The following KCNMA1 variants were observed in gnomAD, a reference collection of about 807,000 sequenced individuals.
The protein encoded by KCNMA1 is Calcium-activated potassium channel subunit alpha-1.
A neutral mutation model predicts 140.0 loss-of-function variants in KCNMA1; 29 were observed. The ratio of observed to expected loss-of-function variants is 0.21; its 90% CI spans 0.15 to 0.28. The LOEUF (loss-of-function observed/expected upper bound fraction) is 0.28, where lower values mean the gene tolerates loss of function less well. Among genes scored for constraint, KCNMA1 ranks in the 10% least tolerant of loss-of-function variants. The probability of loss-of-function intolerance (pLI) is 1.00; values close to 1 mark genes in which losing one functional copy is unlikely to be tolerated. For missense variants in KCNMA1, 880 were observed against 1,602.2 expected, an observed-to-expected ratio of 0.55 and a Z score of 7.70; for synonymous variants, 612 against 611.9, an observed-to-expected ratio of 1.00 and a Z score of 0.00.
intron 16 of KCNMA1, among the ~76,000 whole-genome samples, chr10:77,022,193 GTC>G (rs1173421938): frequency 6.6e-6 from 1 of 151,966 alleles, no homozygotes; most frequent in African/African-American, 2.4e-5. Flanking sequence ...ACTGCCAAAA[GTC>G]TCTCTCTCTG....
intron 5 of KCNMA1, among the ~76,000 whole-genome samples, chr10:77,169,882 A>G (rs1003730220): frequency 6.6e-6 from 1 of 152,124 alleles, no homozygotes; most frequent in South Asian, 2.1e-4. Context: ...ATTTATTTCG[A>G]GTGATATAGT....
chr10:77,544,850 A>G (rs2061036110), intron 1 of KCNMA1, among the ~76,000 whole-genome samples: 1 of 152,226 alleles, frequency 6.6e-6, no homozygotes, highest in Admixed American at 6.5e-5. Flanking sequence ...CCACTTTTCT[A>G]TAACTTCTAA....
At chr10:77,321,071 C>T (rs2082209483) in intron 2 of KCNMA1, among the ~76,000 whole-genome samples, 1 of 152,198 alleles carries the variant, frequency 6.6e-6, no homozygotes, top group Admixed American at 6.5e-5. Context: ...TGTACTCTAG[C>T]AGCTTAATAT....
At chr10:77,040,769 C>G (rs1011378065) in intron 14 of KCNMA1, among the ~76,000 whole-genome samples, 1 of 152,210 alleles carries the variant, frequency 6.6e-6, no homozygotes, top group African/African-American at 2.4e-5. Context: ...TTCTGACCCC[C>G]CAAGGAATAT....
intron 5 of KCNMA1, among the ~76,000 whole-genome samples, chr10:77,127,659 G>GA (rs397804053): frequency 2.0e-5 from 3 of 151,598 alleles, no homozygotes; most frequent in Admixed American, 1.3e-4. Flanking sequence ...GGAGGGGAAA[G>GA]GGAGAGAACG....
intron 17 of KCNMA1, among the ~76,000 whole-genome samples, chr10:77,017,987 G>C (rs1206135929): frequency 1.3e-5 from 2 of 152,166 alleles, no homozygotes; most frequent in African/African-American, 4.8e-5. Context: ...TTGGTAGAAA[G>C]AGAGTGGATT....
intron 11 of KCNMA1, 137 bp downstream of exon 11, chr10:77,086,351 T>C (rs1479130722): frequency 7.0e-6 from 5 of 718,312 alleles, no homozygotes; most frequent in African/African-American, 1.7e-5. Context: ...GTTGCTGGTA[T>C]GTGATTGATC....
chr10:77,455,298 A>T, intron 1 of KCNMA1, among the ~76,000 whole-genome samples: 1 of 152,134 alleles, frequency 6.6e-6, no homozygotes, highest in East Asian at 1.9e-4. Context: ...CTCAGGGTCA[A>T]ATAATTAATG....
chr10:77,047,827 G>T (rs2095160260), intron 14 of KCNMA1, among the ~76,000 whole-genome samples: 2 of 152,062 alleles, frequency 1.3e-5, no homozygotes, highest in Admixed American at 1.3e-4. Context: ...TGGGTAAATT[G>T]AGCAGGAAGT....
chr10:77,468,047 G>A (rs563503722), intron 1 of KCNMA1, among the ~76,000 whole-genome samples: 9 of 151,460 alleles, frequency 5.9e-5, no homozygotes, highest in Admixed American at 5.3e-4. Flanking sequence ...TCACTCTGTC[G>A]CCCAGGCTGG....
chr10:77,603,970 G>C (rs1255731630), intron 1 of KCNMA1, among the ~76,000 whole-genome samples: 1 of 152,216 alleles, frequency 6.6e-6, no homozygotes, highest in Non-Finnish European at 1.5e-5. Context: ...AATGTGAATT[G>C]CTCACAACGG....
At chr10:77,350,441 G>GA (rs2092735476) in intron 2 of KCNMA1, 1 of 152,156 alleles carries the variant, frequency 6.6e-6, no homozygotes, top group African/African-American at 2.4e-5. Context: ...AAAGCAAGAG[G>GA]AACTGGAACA....
chr10:77,370,894 G>A (rs903889649), intron 2 of KCNMA1, among the ~76,000 whole-genome samples: 1 of 152,174 alleles, frequency 6.6e-6, no homozygotes, highest in African/African-American at 2.4e-5. Context: ...TACTGAAAAT[G>A]TGCACAAAAT....
At chr10:76,991,524 T>C (rs2082768077) in intron 19 of KCNMA1, among the ~76,000 whole-genome samples, 1 of 152,218 alleles carries the variant, frequency 6.6e-6, no homozygotes, top group African/African-American at 2.4e-5. Context: ...ATATATACTA[T>C]ATAGTAAGTT....
At chr10:77,416,193 C>T (rs144924448) in intron 1 of KCNMA1, among the ~76,000 whole-genome samples, 10 of 152,210 alleles carry the variant, frequency 6.6e-5, no homozygotes, top group Non-Finnish European at 1.5e-4. Context: ...ACTTCAGGGG[C>T]CCAGGGTGTG....
chr10:77,165,841 G>A (rs1348952724), intron 5 of KCNMA1, among the ~76,000 whole-genome samples: 1 of 152,124 alleles, frequency 6.6e-6, no homozygotes, highest in Admixed American at 6.5e-5. Context: ...ACCTTATTTC[G>A]GCAGAGGTTA....
At chr10:77,234,675 T>G (rs2054788015) in intron 3 of KCNMA1, among the ~76,000 whole-genome samples, 1 of 152,238 alleles carries the variant, frequency 6.6e-6, no homozygotes. Context: ...AAGTGCTTGA[T>G]GCACAGTATC....
intron 18 of KCNMA1, among the ~76,000 whole-genome samples, chr10:77,003,409 G>C (rs79847130): frequency 0.058 from 8,780 of 152,190 alleles, 282 homozygotes; most frequent in Non-Finnish European, 0.068. Context: ...AAACAGCAAC[G>C]GCTGAAGTCA....
intron 23 of KCNMA1, among the ~76,000 whole-genome samples, chr10:76,934,562 C>A (rs1286760736): frequency 6.6e-6 from 1 of 152,192 alleles, no homozygotes; most frequent in Non-Finnish European, 1.5e-5. Context: ...TTCCATACAA[C>A]TTATTTTATG....
Sources: gnomAD v4.1 joint callset for allele counts (sites outside exome capture counted in the v4.1 genomes callset) on GRCh38, gnomAD v4.1.1 for gene constraint, MANE v1.5 for transcripts, NCBI Gene and HGNC (gene_info 2026-07-23, HGNC 2026-07-21) for gene names.